KLC1: variants seen among roughly 807,000 people sequenced by gnomAD.
KLC1 encodes the protein kinesin 2 60/70kDa.
Under a neutral mutation model 84.2 loss-of-function variants are expected in KLC1, and 30 were observed. That is an observed-to-expected ratio of 0.36 (90% confidence interval 0.27 to 0.48). The LOEUF is 0.48. Among genes scored for constraint, KLC1 ranks in the 20% least tolerant of loss-of-function variants. KLC1 has a pLI of 0.99. For missense variants in KLC1, 499 were observed against 805.4 expected (o/e 0.62, Z 4.60); for synonymous variants, 289 against 293.3 (o/e 0.99, Z 0.15).
chr14:103,635,536 C>T (rs531379314), intron 1 of KLC1, among the ~76,000 whole-genome samples: 1 of 152,044 alleles, frequency 6.6e-6, no homozygotes, highest in Non-Finnish European at 1.5e-5. Flanking sequence ...GGCGGATCAC[C>T]TGAGGTCAGG....
chr14:103,688,635 A>C (rs1341839446), intron 14 of KLC1, among the ~76,000 whole-genome samples: 1 of 152,002 alleles, frequency 6.6e-6, no homozygotes, highest in Non-Finnish European at 1.5e-5. Context: ...TCCCTGTGGG[A>C]GTCTCTGTCG....
At chr14:103,685,265 A>T (rs1283918163) in intron 13 of KLC1, 3 of 1,380,058 alleles carry the variant, frequency 2.2e-6, no homozygotes, top group Non-Finnish European at 2.8e-6. Context: ...TCATACCTGT[A>T]GCCTTTATTT....
chr14:103,700,715 C>T lies in KLC1; in HGVS notation c.1909C>T (p.Arg637Cys), dbSNP rs35107466. The T allele has an allele frequency of 2.2e-5, 36 of 1,600,546 alleles. No individual in the cohort carries two copies. The highest frequency in any genetic ancestry group is 3.4e-4 in the Middle Eastern group (2 of 5,852). The change falls in exon 16 of 17, where the codon CGC (arginine) becomes TGC (cysteine). Residue 637 changes from arginine (R) to cysteine (C), a missense_variant. Physicochemically the swap from Arg to Cys is radical, Grantham distance 180 (BLOSUM62 -3). This residue lies in a region of KLC1 where 167 missense variants were observed against 208.8 expected (regional missense o/e 0.80). Coordinates refer to ENST00000334553, the MANE Select transcript of KLC1 (RefSeq NM_001394837.1). Reference protein sequence around the residue: ...KRQQQQWPGRRHR With the variant: ...KRQQQQWPGRCHR The stretch of plus-strand genomic sequence containing the variant: ...ACAGCAGCAGCAGTGGCCTGGAAGA[C>T]GCCACCGCTAACGTGAGTCCCACGG...
chr14:103,691,458 CTTT>C (rs71126053), intron 14 of KLC1, among the ~76,000 whole-genome samples: 3 of 68,778 alleles, frequency 4.4e-5, no homozygotes, highest in East Asian at 5.3e-4. Context: ...CCACGCCTGG[CTTT>C]TTTTTTTTTT....
chr14:103,689,190 T>G (rs1337330795), intron 14 of KLC1, among the ~76,000 whole-genome samples: 2 of 152,138 alleles, frequency 1.3e-5, no homozygotes, highest in Admixed American at 1.3e-4. Context: ...TCACACTGAT[T>G]GTTTGAGGTT....
At chr14:103,636,754 CCT>C (rs1043739849) in intron 1 of KLC1, among the ~76,000 whole-genome samples, 2 of 151,322 alleles carry the variant, frequency 1.3e-5, no homozygotes, top group African/African-American at 4.9e-5. Context: ...GATGGAGTCT[CCT>C]CTGTTGCCCA....
At chr14:103,672,896 C>A in intron 7 of KLC1, 118 bp from the exon 8 acceptor site, 1 of 860,740 alleles carries the variant, frequency 1.2e-6, no homozygotes, top group Non-Finnish European at 1.8e-6. Context: ...GGATTTAAAT[C>A]TGAAAGTGTA....
At chr14:103,656,105 A>G (rs2078820499) in intron 2 of KLC1, among the ~76,000 whole-genome samples, 1 of 152,094 alleles carries the variant, frequency 6.6e-6, no homozygotes, top group African/African-American at 2.4e-5. Flanking sequence ...GCCCTGTTCT[A>G]GCATAGGGGA....
At position 103,680,810 on chromosome 14, in the gene KLC1, T is replaced by C. The variant is rs369805488; in HGVS notation, c.1650+1265T>C. 2.6e-5 allele frequency among the ~76,000 whole-genome samples: 4 copies of C among 152,332 alleles called. No individual in the cohort carries two copies. In the South Asian group the frequency reaches 8.3e-4, roughly 32 times the overall value. On this transcript the variant is annotated intron_variant, in intron 13 of 16. Coordinates refer to ENST00000334553, the MANE Select transcript of KLC1 (RefSeq NM_001394837.1). ...AAGGACAAGTCCTTTATCTAGGCTG[T>C]AGGAGCCAGGGTGCAGATTGTGATC...
rs1228351585 is a variant in KLC1 at position 103,699,583 on chromosome 14, G to A, written c.1849-1072G>A. 4.3e-6 allele frequency: 7 copies of A among 1,612,962 alleles called. No individual in the cohort carries two copies. The Admixed American group carries it at 1.2e-4, about 27-fold the overall frequency. On this transcript the variant is annotated intron_variant, in intron 15 of 16. Coordinates refer to ENST00000334553, the MANE Select transcript of KLC1 (RefSeq NM_001394837.1). ...CACACTCCAACAAGGTGTCCTGTGG[G>A]GACAGCTGTCATTGTCTATGCTGGT...
intron 2 of KLC1, among the ~76,000 whole-genome samples, chr14:103,656,248 C>T (rs890521382): frequency 3.9e-5 from 6 of 152,286 alleles, no homozygotes; most frequent in Non-Finnish European, 7.4e-5. Context: ...GTTGTCTTCC[C>T]ACTTACAGTG....
intron 5 of KLC1, among the ~76,000 whole-genome samples, chr14:103,665,110 C>T (rs2079647964): frequency 6.6e-6 from 1 of 151,790 alleles, no homozygotes; most frequent in Non-Finnish European, 1.5e-5. Context: ...TTCTACCTTT[C>T]AGCTTGTTAT....
intron 15 of KLC1, chr14:103,696,692 T>C: frequency 2.0e-6 from 2 of 985,462 alleles, no homozygotes; most frequent in Non-Finnish European, 2.4e-6. Context: ...TGTAGACGTG[T>C]ATTCTGTTTA....
intron 3 of KLC1, among the ~76,000 whole-genome samples, chr14:103,658,498 C>T (rs1159177910): frequency 1.5e-5 from 2 of 136,220 alleles, no homozygotes; most frequent in Non-Finnish European, 3.1e-5. Context: ...TGGTCTTGAA[C>T]TCCTGGCCTC....
chr14:103,631,055 C>G (rs1353093929), intron 1 of KLC1, among the ~76,000 whole-genome samples: 1 of 151,972 alleles, frequency 6.6e-6, no homozygotes, highest in Non-Finnish European at 1.5e-5. Context: ...TATTTCATAG[C>G]AAATAACTGC....
intron 3 of KLC1, among the ~76,000 whole-genome samples, chr14:103,658,732 A>G (rs905503601): frequency 2.2e-5 from 3 of 138,526 alleles, no homozygotes; most frequent in Non-Finnish European, 4.5e-5. Context: ...ATCTTGGCTC[A>G]CTGCAACCTC....
chr14:103,659,371 A>G (rs1595395958), intron 3 of KLC1, among the ~76,000 whole-genome samples: 1 of 152,348 alleles, frequency 6.6e-6, no homozygotes, highest in South Asian at 2.1e-4. Context: ...CAATGGAATA[A>G]TTTTAAATTG....
chr14:103,651,202 G>A (rs1297111141), intron 1 of KLC1, among the ~76,000 whole-genome samples: 2 of 151,938 alleles, frequency 1.3e-5, no homozygotes, highest in African/African-American at 4.8e-5. Context: ...GTAGAAACGG[G>A]TTTCACCATG....
intron 1 of KLC1, among the ~76,000 whole-genome samples, chr14:103,648,180 ACCTCGTGATTTG>A (rs2078103791): frequency 6.6e-6 from 1 of 151,718 alleles, no homozygotes; most frequent in Non-Finnish European, 1.5e-5. Context: ...CAATCTCTTG[ACCTCGTGATTTG>A]CCTGCCTTGG....
Sources: gnomAD v4.1 joint callset for allele counts (sites outside exome capture counted in the v4.1 genomes callset) on GRCh38, gnomAD v4.1.1 for gene constraint, gnomAD v4.1.1 regional missense constraint, MANE v1.5 for transcripts, NCBI Gene and HGNC (gene_info 2026-07-23, HGNC 2026-07-21) for gene names.